Variants in USP34 observed in about 807,000 individuals in gnomAD.
USP34 encodes the protein ubiquitin specific peptidase 34, also known as ubiquitin carboxyl-terminal hydrolase 34.
USP34 carries 70 observed loss-of-function variants against 460.3 expected under a neutral mutation model. The observed-to-expected ratio is 0.15, with a 90% CI of 0.13 to 0.19. USP34 has a LOEUF of 0.19. Among genes scored for constraint, USP34 ranks in the 10% least tolerant of loss-of-function variants. The pLI, the probability that USP34 is intolerant of heterozygous loss-of-function variation, is 1.00. For missense variants in USP34, 3,985 were observed against 4,236.2 expected, an observed-to-expected ratio of 0.94 and a Z score of 1.65; for synonymous variants, 1,647 against 1,405.3, an observed-to-expected ratio of 1.17 and a Z score of -3.85.
At chr2:61,211,979 G>C (rs752657262) in intron 68 of USP34, 50 bp from the exon 69 acceptor site, 2 of 1,537,630 alleles carry the variant, frequency 1.3e-6, no homozygotes, top group East Asian at 4.9e-5. Context: ...TAGCATTTTA[G>C]AAGGTCAGTT....
At chr2:61,395,784 T>C (rs1168496466) in intron 3 of USP34, among the ~76,000 whole-genome samples, 1 of 47,936 alleles carries the variant, frequency 2.1e-5, no homozygotes, top group Non-Finnish European at 3.5e-5. Flanking sequence ...AGACTCCGTC[T>C]CAAAAAAAAA....
chr2:61,444,563 G>T (rs1695055559), intron 1 of USP34, among the ~76,000 whole-genome samples: 1 of 152,124 alleles, frequency 6.6e-6, no homozygotes, highest in Non-Finnish European at 1.5e-5. Flanking sequence ...CATTCAAGAA[G>T]CACTATGAAT....
intron 2 of USP34, among the ~76,000 whole-genome samples, chr2:61,409,141 A>G (rs1693965911): frequency 6.6e-6 from 1 of 151,956 alleles, no homozygotes; most frequent in Non-Finnish European, 1.5e-5. Context: ...AATTGCTTGA[A>G]CTCGGGAGGT....
intron 1 of USP34, among the ~76,000 whole-genome samples, chr2:61,461,370 T>C (rs1186711): frequency 0.67 from 101,402 of 150,950 alleles, 34,452 homozygotes; most frequent in African/African-American, 0.79. Flanking sequence ...TCCACCCTAG[T>C]GAACAAGAGC....
At position 61,279,098 on chromosome 2, in the gene USP34, GT is replaced by G. The variant is rs755952216; in HGVS notation, c.5257-656del. Among the ~76,000 whole-genome samples, 641 of 140,470 alleles carry G rather than the reference GT, an allele frequency of 4.6e-3. 4 individuals carry two copies. Among genetic ancestry groups the G allele is most frequent in the African/African-American group, 0.012 (461 of 38,806 alleles). The allele number at this position is 140,470 out of a possible 152,430, so 92.2% of individuals were successfully genotyped here. Reference sequence around the variant, plus strand: ...TAGCTCAAATGGGCAAGCCCAGGTTGTTTTTTTTTTTTAAAGTACAATGTTT... The same window carrying G: ...TAGCTCAAATGGGCAAGCCCAGGTTGTTTTTTTTTTTAAAGTACAATGTTT... On this transcript the variant is annotated intron_variant, in intron 39 of 79. Transcript: ENST00000398571.
chr2:61,464,391 C>T (rs1399436049), intron 1 of USP34, among the ~76,000 whole-genome samples: 1 of 152,034 alleles, frequency 6.6e-6, no homozygotes, highest in Non-Finnish European at 1.5e-5. Flanking sequence ...TAGCTGAGTT[C>T]CATCTCAAAT....
intron 53 of USP34, among the ~76,000 whole-genome samples, chr2:61,239,356 G>A (rs1161278672): frequency 1.5e-5 from 2 of 131,444 alleles, no homozygotes; most frequent in African/African-American, 2.8e-5. Flanking sequence ...ACACACAGAA[G>A]TTTGAGAACC....
At chr2:61,439,280 C>T (rs1397975078) in intron 1 of USP34, among the ~76,000 whole-genome samples, 1 of 152,170 alleles carries the variant, frequency 6.6e-6, no homozygotes, top group African/African-American at 2.4e-5. Flanking sequence ...GCCCCCTCCT[C>T]CTGCTGTGCC....
chr2:61,208,390 A>C (rs567527378), intron 70 of USP34: 1 of 152,320 alleles, frequency 6.6e-6, no homozygotes, highest in South Asian at 2.1e-4. Context: ...GTCTCCCTAA[A>C]ATGTATAAAA....
At chr2:61,229,457 T>TAAAAA (rs57231258) in intron 59 of USP34, 91 bp downstream of exon 59, 44 of 382,136 alleles carry the variant, frequency 1.2e-4, no homozygotes, top group South Asian at 2.0e-4. Flanking sequence ...CCCTATCTCT[T>TAAAAA]AAAAAAAAAA....
At chr2:61,195,381 A>AAT (rs897251903) in intron 75 of USP34, among the ~76,000 whole-genome samples, 1 of 151,448 alleles carries the variant, frequency 6.6e-6, no homozygotes, top group East Asian at 1.9e-4. Context: ...AAAAAAAAAA[A>AAT]AAATCAGCCA....
intron 48 of USP34, among the ~76,000 whole-genome samples, chr2:61,254,833 GTA>G (rs1688680529): frequency 6.6e-6 from 1 of 152,150 alleles, no homozygotes; most frequent in South Asian, 2.1e-4. Context: ...GCACGCATTA[GTA>G]GAACAAGTAT....
At chr2:61,424,413 A>G (rs1249260577) in intron 1 of USP34, among the ~76,000 whole-genome samples, 1 of 152,208 alleles carries the variant, frequency 6.6e-6, no homozygotes, top group Non-Finnish European at 1.5e-5. Context: ...GCATGACTGT[A>G]CTTGTACAAT....
intron 8 of USP34, among the ~76,000 whole-genome samples, chr2:61,374,666 G>C (rs1052556263): frequency 7.3e-5 from 11 of 151,684 alleles, no homozygotes. Context: ...CCGAAGTGCA[G>C]TGGCGCAACT....
chr2:61,356,324 C>T (rs1383834721), intron 10 of USP34, among the ~76,000 whole-genome samples: 1 of 152,158 alleles, frequency 6.6e-6, no homozygotes, highest in Non-Finnish European at 1.5e-5. Context: ...CCTGTCTCTA[C>T]TAAAAAATAC....
chr2:61,413,393 A>T (rs1694100450), intron 2 of USP34, among the ~76,000 whole-genome samples: 1 of 151,490 alleles, frequency 6.6e-6, no homozygotes, highest in Admixed American at 6.6e-5. Flanking sequence ...CAGTCTCAAA[A>T]AAATTAAAAT....
rs573074284 is a variant in USP34 at position 61,384,507 on chromosome 2, C to A, written c.754-1171G>T. 9.2e-5 allele frequency among the ~76,000 whole-genome samples: 14 copies of A among 151,712 alleles called. No homozygotes were observed. In the South Asian group the frequency reaches 2.7e-3, roughly 29 times the overall value. ...CAACATGGCTGAAACCCCATCTCTA[C>A]CAAAAAAATACAAAAATAAGCCAGG... On this transcript the variant is annotated intron_variant, in intron 5 of 79. Transcript: ENST00000398571.
intron 27 of USP34, among the ~76,000 whole-genome samples, chr2:61,307,835 A>C (rs1690460743): frequency 6.6e-6 from 1 of 152,002 alleles, no homozygotes; most frequent in South Asian, 2.1e-4. Context: ...ATAGCTTGAG[A>C]CCAGGAGTTA....
chr2:61,245,403 A>G, intron 50 of USP34, 115 bp from the exon 51 acceptor site: 1 of 529,234 alleles, frequency 1.9e-6, no homozygotes, highest in South Asian at 5.8e-5. Flanking sequence ...CATGAGGTAA[A>G]TTCTAAGTTC....
Sources: allele counts gnomAD v4.1 joint callset (sites outside exome capture counted in the v4.1 genomes callset), GRCh38; gene constraint gnomAD v4.1.1; transcripts MANE v1.5; gene names NCBI Gene and HGNC (gene_info 2026-07-23, HGNC 2026-07-21).